Variants in TMEM131 observed in about 807,000 individuals in gnomAD.
TMEM131 encodes 2610524E03Rik.
Under a neutral mutation model 211.6 loss-of-function variants are expected in TMEM131, and 66 were observed. The observed-to-expected ratio is 0.31, with a 90% CI of 0.26 to 0.38. The LOEUF (loss-of-function observed/expected upper bound fraction) is 0.38. TMEM131 is among the 10% of genes least tolerant of loss of function. TMEM131 has a pLI of 1.00. For synonymous variants in TMEM131, 844 were observed against 841.3 expected, an observed-to-expected ratio of 1.00 and a Z score of -0.06; for missense variants, 2,036 against 2,299.3, an observed-to-expected ratio of 0.89 and a Z score of 2.34.
intron 32 of TMEM131, 141 bp downstream of exon 32, chr2:97,775,702 A>T: frequency 1.1e-6 from 1 of 951,296 alleles, no homozygotes; most frequent in Non-Finnish European, 1.5e-6. Flanking sequence ...CCAGCACAGG[A>T]ACCATTCCTC....
chr2:97,925,110 G>A (rs750249561), intron 2 of TMEM131, among the ~76,000 whole-genome samples: 24 of 152,120 alleles, frequency 1.6e-4, no homozygotes, highest in Non-Finnish European at 3.2e-4. Flanking sequence ...GGACTCAAGC[G>A]ACTGACCCGT....
chr2:97,832,025 A>AAAAAAAAAAC (rs1305604950), intron 11 of TMEM131, among the ~76,000 whole-genome samples: 2 of 150,690 alleles, frequency 1.3e-5, no homozygotes, highest in Non-Finnish European at 3.0e-5. Flanking sequence ...AAAAAAAAAA[A>AAAAAAAAAAC]AGCAGCTCTA....
Position 97,952,113 on chromosome 2 carries a change from C to T in TMEM131, c.188-24626G>A, listed in dbSNP as rs569498357. Among the ~76,000 whole-genome samples, 30 of 151,056 alleles carry T rather than the reference C, an allele frequency of 2.0e-4. 1 individual carries two copies. In the South Asian group the frequency reaches 5.6e-3, roughly 28 times the overall value. On this transcript the variant is annotated intron_variant, in intron 1 of 40. Coordinates refer to ENST00000186436, the MANE Select transcript of TMEM131 (RefSeq NM_015348.2). The stretch of plus-strand genomic sequence containing the variant: ...CGGAGGGTGCAGTGAGCCAAGATCA[C>T]GCCACTGCACTCCAGCCTGGGTGAC...
chr2:97,995,336 T>C (rs1219552349), intron 1 of TMEM131, 140 bp downstream of exon 1: 1 of 808,468 alleles, frequency 1.2e-6, no homozygotes, highest in African/African-American at 1.8e-5. Context: ...CGCCGCGAGG[T>C]CCCGGCTCGG....
intron 32 of TMEM131, among the ~76,000 whole-genome samples, chr2:97,773,079 G>A (rs1467669361): frequency 6.6e-6 from 1 of 152,196 alleles, no homozygotes; most frequent in East Asian, 1.9e-4. Flanking sequence ...AAGTTCAGTA[G>A]AGACTGCAGT....
chr2:97,871,569 G>C (rs1674489918), intron 4 of TMEM131, among the ~76,000 whole-genome samples: 1 of 152,136 alleles, frequency 6.6e-6, no homozygotes, highest in African/African-American at 2.4e-5. Flanking sequence ...TCAGATGTTT[G>C]CATTTCTGAC....
In TMEM131 at chr2:97,760,325, G is replaced by C. The variant is rs1678758472; in HGVS notation, c.5108+268C>G. The C allele has an allele frequency of 1.8e-5, 9 of 498,402 alleles. No homozygotes were observed. In the Admixed American group the frequency reaches 3.0e-4, roughly 16 times the overall value. The allele number at this position is 498,402 out of a possible 1,614,324, so 30.9% of individuals were successfully genotyped here. A position where few individuals can be genotyped will look rare whatever the true frequency, so the allele number is the denominator to read the frequency against. On this transcript the variant is annotated intron_variant, in intron 38 of 40. Coordinates refer to ENST00000186436, the MANE Select transcript of TMEM131 (RefSeq NM_015348.2). ...ACCACAGACCAGGAGATGGAGGAGA[G>C]TGAGAACAGGTGTAACGTGTGTCTG...
At chr2:97,969,238 A>AC (rs1679191060) in intron 1 of TMEM131, among the ~76,000 whole-genome samples, 1 of 152,216 alleles carries the variant, frequency 6.6e-6, no homozygotes. Context: ...AAGAGAAGTT[A>AC]CCCTGTACAC....
intron 1 of TMEM131, among the ~76,000 whole-genome samples, chr2:97,954,658 T>C (rs774002545): frequency 3.3e-5 from 5 of 151,856 alleles, no homozygotes; most frequent in African/African-American, 1.2e-4. Context: ...TACAAAAAAT[T>C]AGCTGGGCGT....
chr2:97,834,621 C>A lies in TMEM131; in HGVS notation c.1012G>T (p.Asp338Tyr). Reference protein sequence around the residue: ...MLDFGTLRTQDLPKVLNLHLL... With the variant: ...MLDFGTLRTQYLPKVLNLHLL... ...AGACTCTTTTAAAAGATTTTTTTAC[C>A]TTGTGTTCTTAGTGTACCAAAATCT... The change falls in exon 10 of 41, where the codon GAT (aspartate) becomes TAT (tyrosine). Residue 338 changes from aspartate to tyrosine, a missense_variant and splice_region_variant. By Grantham distance (160) the Asp-to-Tyr change is radical (BLOSUM62 -3). Around this residue, in one of 3 missense-constraint regions of TMEM131, gnomAD observed 277 missense variants for 378.0 expected, o/e 0.73. Transcript: ENST00000186436. 1 of 1,529,268 alleles carries A rather than the reference C, an allele frequency of 6.5e-7. No homozygotes were observed. The highest frequency in any genetic ancestry group is 2.4e-5 in the Admixed American group (1 of 41,510). The allele number at this position is 1,529,268 out of a possible 1,614,324, so 94.7% of individuals were successfully genotyped here. A position where few individuals can be genotyped will look rare whatever the true frequency, so the allele number is the denominator to read the frequency against.
At chr2:97,779,167 G>A (rs562384014) in intron 31 of TMEM131, among the ~76,000 whole-genome samples, 22 of 152,320 alleles carry the variant, frequency 1.4e-4, no homozygotes, top group African/African-American at 4.8e-4. Context: ...AGAGCCACTG[G>A]TCCATGGTAT....
rs1680830197 is a variant in TMEM131 at position 97,797,659 on chromosome 2, G to A, written c.2719-143C>T. On this transcript the variant is annotated intron_variant, in intron 25 of 40. Coordinates refer to ENST00000186436, the MANE Select transcript of TMEM131 (RefSeq NM_015348.2). ...AATTTTATCTGTCATGTTTAGATAT[G>A]GGTTAGCTGGAAAGCAGCACAGAGT... is the stretch of plus-strand genomic sequence containing the variant. 3 of 659,528 alleles carry A rather than the reference G, an allele frequency of 4.5e-6. No individual in the cohort carries two copies. In the East Asian group the frequency reaches 8.7e-5, roughly 19 times the overall value. 40.9% of individuals were successfully genotyped at this position (659,528 alleles called of 1,614,324 possible). A position where few individuals can be genotyped will look rare whatever the true frequency, so the allele number is the denominator to read the frequency against.
chr2:97,809,789 A>T lies in TMEM131; in HGVS notation c.1969-15T>A, dbSNP rs748996666. ...ATTGTCAGGATCTGTGAAGTCAAGA[A>T]GATGATGATAGATAAGTAGTTAAGA... On this transcript the variant is annotated splice_polypyrimidine_tract_variant and intron_variant, in intron 18 of 40. Transcript: ENST00000186436. 7.6e-6 allele frequency: 12 copies of T among 1,570,986 alleles called. No individual in the cohort carries two copies. The highest frequency in any genetic ancestry group is 1.2e-5 in the South Asian group (1 of 86,242).
intron 2 of TMEM131, among the ~76,000 whole-genome samples, chr2:97,916,458 GGAGCTGCA>G (rs1396133061): frequency 2.0e-5 from 3 of 152,222 alleles, no homozygotes; most frequent in Non-Finnish European, 2.9e-5. Flanking sequence ...CCAACTACAA[GGAGCTGCA>G]GAGCTGTTGG....
intron 1 of TMEM131, among the ~76,000 whole-genome samples, chr2:97,976,729 C>G (rs1679552401): frequency 6.6e-6 from 1 of 152,068 alleles, no homozygotes; most frequent in African/African-American, 2.4e-5. Flanking sequence ...AGTTGGTGAA[C>G]TGACACTGTT....
intron 4 of TMEM131, among the ~76,000 whole-genome samples, chr2:97,872,487 A>T (rs1033203041): frequency 6.6e-6 from 1 of 152,106 alleles, no homozygotes; most frequent in Non-Finnish European, 1.5e-5. Context: ...AAGATGGCCG[A>T]ACAGGAACAG....
At chr2:97,777,755 T>C (rs1048460236) in intron 31 of TMEM131, among the ~76,000 whole-genome samples, 1 of 152,218 alleles carries the variant, frequency 6.6e-6, no homozygotes, top group African/African-American at 2.4e-5. Context: ...CTGACTAGTT[T>C]GTTTAATTAT....
Position 97,760,609 on chromosome 2 carries a change from T to C in TMEM131, c.5092A>G (p.Ser1698Gly). ...CTACCGTACCTGTCTGAGCCATCGC[T>C]GTCAACAGGAGCGTGTGAAATGCCA... Reference protein sequence around the residue: ...SLGISHAPVDSDGSDSSGLWS... With the variant: ...SLGISHAPVDGDGSDSSGLWS... Residue 1698 changes from serine (S) to glycine (G), a missense_variant, in exon 38 of 41, where the codon AGC becomes GGC. This residue lies in a region of TMEM131 where 1,623 missense variants were observed against 1,805.9 expected (regional missense o/e 0.90). Coordinates refer to ENST00000186436, the MANE Select transcript of TMEM131 (RefSeq NM_015348.2). 1.2e-6 allele frequency: 2 copies of C among 1,611,964 alleles called. No homozygotes were observed. The highest frequency in any genetic ancestry group is 1.7e-6 in the Non-Finnish European group (2 of 1,178,942).
At chr2:97,956,137 A>AC (rs145788554) in intron 1 of TMEM131, among the ~76,000 whole-genome samples, 2 of 152,336 alleles carry the variant, frequency 1.3e-5, no homozygotes, top group Non-Finnish European at 2.9e-5. Context: ...AGAGAGTGTG[A>AC]CATTGCCAAA....
Sources: allele counts gnomAD v4.1 joint callset (sites outside exome capture counted in the v4.1 genomes callset), GRCh38; gene constraint gnomAD v4.1.1; regional missense constraint gnomAD v4.1.1; transcripts MANE v1.5; gene names NCBI Gene and HGNC (gene_info 2026-07-23, HGNC 2026-07-21).